The following NAV2 variants were observed in gnomAD, a reference collection of about 807,000 sequenced individuals.
NAV2 encodes neuron navigator 2, also known as helicase, APC down-regulated 1.
In NAV2, 54 loss-of-function variants were observed where a neutral mutation model predicts 223.2. That is an observed-to-expected ratio of 0.24 (90% confidence interval 0.19 to 0.30). The LOEUF is 0.30. NAV2 is among the 10% of genes least tolerant of loss of function. The probability of loss-of-function intolerance (pLI) is 1.00; values close to 1 mark genes in which losing one functional copy is unlikely to be tolerated. For synonymous variants in NAV2, 1,279 were observed against 1,239.3 expected (o/e 1.03, Z -0.67); for missense variants, 2,806 against 3,147.5 (o/e 0.89, Z 2.60).
intron 1 of NAV2, among the ~76,000 whole-genome samples, chr11:19,359,533 TG>T (rs755839058): frequency 3.9e-5 from 6 of 152,170 alleles, no homozygotes; most frequent in Non-Finnish European, 7.3e-5. Flanking sequence ...TGCAGCACAA[TG>T]GGGCAAATTG....
At chr11:19,463,746 G>A (rs751545859) in intron 1 of NAV2, among the ~76,000 whole-genome samples, 1 of 152,154 alleles carries the variant, frequency 6.6e-6, no homozygotes, top group African/African-American at 2.4e-5. Context: ...GGCAATCCAG[G>A]CAGGGAATAC....
At chr11:19,798,411 G>A (rs755821320) in intron 1 of NAV2, among the ~76,000 whole-genome samples, 41 of 152,148 alleles carry the variant, frequency 2.7e-4, no homozygotes, top group Admixed American at 7.2e-4. Flanking sequence ...CTAGTTATGG[G>A]TTTTCATAAA....
chr11:19,550,182 A>G lies in NAV2; in HGVS notation c.75+199155A>G, dbSNP rs73420182. Among the ~76,000 whole-genome samples, 297 of 152,354 alleles carry G rather than the reference A, an allele frequency of 1.9e-3. 1 individual carries two copies. Among genetic ancestry groups the G allele is most frequent in the African/African-American group, 6.9e-3 (286 of 41,586 alleles). ...TTGAGATATTGTCTAGAAACGAAAA[A>G]GGGAAATTTGACAAAACAATATCTA... is the stretch of plus-strand genomic sequence containing the variant. On this transcript the variant is annotated intron_variant, in intron 1 of 37. Transcript: ENST00000360655.
chr11:20,094,743 T>G (rs1377860056), intron 29 of NAV2, among the ~76,000 whole-genome samples: 1 of 152,152 alleles, frequency 6.6e-6, no homozygotes, highest in Non-Finnish European at 1.5e-5. Flanking sequence ...ACCCCAAACA[T>G]TACTTATTTG....
intron 1 of NAV2, among the ~76,000 whole-genome samples, chr11:19,440,386 G>A (rs756286313): frequency 6.6e-6 from 1 of 152,164 alleles, no homozygotes; most frequent in Non-Finnish European, 1.5e-5. Context: ...ATGAGTTGGA[G>A]TTAGGCAAAG....
intron 1 of NAV2, among the ~76,000 whole-genome samples, chr11:19,741,497 CTTTTT>C (rs71050682): frequency 9.6e-5 from 11 of 114,932 alleles, no homozygotes; most frequent in South Asian, 3.1e-4. Context: ...TTCTTTCTTT[CTTTTT>C]TTTTTTTTTT....
chr11:19,401,591 C>G (rs551366828), intron 1 of NAV2, among the ~76,000 whole-genome samples: 2 of 152,046 alleles, frequency 1.3e-5, no homozygotes, highest in Admixed American at 1.3e-4. Context: ...GAGGAATGAT[C>G]GCAAATCAAA....
intron 1 of NAV2, 176 bp downstream of exon 1, chr11:19,714,138 G>C: frequency 1.1e-6 from 1 of 951,026 alleles, no homozygotes; most frequent in Non-Finnish European, 1.6e-6. Context: ...GCCGGCCGGT[G>C]GGTGTGGCCC....
rs12277744 is a variant in NAV2 at position 19,426,114 on chromosome 11, A to G, written c.75+75087A>G. Among the ~76,000 whole-genome samples the G allele has an allele frequency of 5.7e-3, 862 of 152,304 alleles. 2 individuals are homozygous for G. Among genetic ancestry groups the G allele is most frequent in the Non-Finnish European group, 9.2e-3 (623 of 68,016 alleles). ...ATTCTGAGTTGTGGTGAAAGGAGAC[A>G]TGAGTTTGGGATTGGAGAGATTCTG... On this transcript the variant is annotated intron_variant, in intron 1 of 37. Coordinates refer to the NAV2 transcript ENST00000360655.
chr11:19,765,279 AG>A (rs2055106217), intron 1 of NAV2, among the ~76,000 whole-genome samples: 1 of 152,162 alleles, frequency 6.6e-6, no homozygotes, highest in South Asian at 2.1e-4. Context: ...TAAATATTTT[AG>A]GCCAAATGGG....
At chr11:19,475,747 G>T (rs1226642240) in intron 1 of NAV2, among the ~76,000 whole-genome samples, 1 of 152,214 alleles carries the variant, frequency 6.6e-6, no homozygotes, top group East Asian at 1.9e-4. Context: ...AAATGAGGAC[G>T]TGCAGATAAA....
chr11:19,933,830 T>G lies in NAV2; in HGVS notation c.1586T>G (p.Val529Gly), dbSNP rs1272864683. Residue 529 changes from valine (V) to glycine (G), a missense_variant, in exon 7 of 38, where the codon GTG becomes GGG. Val to Gly is a moderately radical substitution (Grantham distance 109, BLOSUM62 -3). This residue lies in a region of NAV2 where 1,167 missense variants were observed against 1,180.5 expected (regional missense o/e 0.99). Coordinates refer to ENST00000349880, the MANE Select transcript of NAV2 (RefSeq NM_145117.5). The surrounding 1 kb of genome is among the most constrained non-coding windows in gnomAD (Gnocchi z 4.3). ...AAAGAAGACCCCAGTGGAGCAGCTG[T>G]GCCCGAGATGCCAAAAAAGTCCTCC... is the stretch of plus-strand genomic sequence containing the variant. ...EPKEDPSGAA[V>G]PEMPKKSSKI... The G allele has an allele frequency of 1.3e-5, 21 of 1,609,792 alleles. No individual in the cohort carries two copies. Among genetic ancestry groups the G allele is most frequent in the Non-Finnish European group, 5.1e-6 (6 of 1,178,920 alleles).
At chr11:19,843,421 A>C (rs1018465271) in intron 3 of NAV2, among the ~76,000 whole-genome samples, 1 of 152,248 alleles carries the variant, frequency 6.6e-6, no homozygotes, top group South Asian at 2.1e-4. Flanking sequence ...GCTTTTCAAC[A>C]TAACCTTTGC....
At chr11:19,552,728 A>G (rs2044729968) in intron 1 of NAV2, among the ~76,000 whole-genome samples, 1 of 152,222 alleles carries the variant, frequency 6.6e-6, no homozygotes, top group Non-Finnish European at 1.5e-5. Flanking sequence ...GCTGTAGTGT[A>G]AAAGAGCTGA....
chr11:19,415,611 T>C (rs1013992352), intron 1 of NAV2, among the ~76,000 whole-genome samples: 23 of 152,224 alleles, frequency 1.5e-4, no homozygotes, highest in Non-Finnish European at 2.5e-4. Flanking sequence ...AGCATCATCC[T>C]GATACCAAAA....
At chr11:19,432,842 C>T (rs1228457316) in intron 1 of NAV2, among the ~76,000 whole-genome samples, 1 of 152,230 alleles carries the variant, frequency 6.6e-6, no homozygotes, top group Non-Finnish European at 1.5e-5. Flanking sequence ...ATAACTCTTA[C>T]CGCAGCTGAG....
At chr11:20,014,719 T>C (rs2053858703) in intron 11 of NAV2, among the ~76,000 whole-genome samples, 1 of 152,120 alleles carries the variant, frequency 6.6e-6, no homozygotes, top group Non-Finnish European at 1.5e-5. Flanking sequence ...CTGGACAACA[T>C]GGCGAAACCC....
intron 6 of NAV2, among the ~76,000 whole-genome samples, chr11:19,916,518 T>C (rs2043819983): frequency 6.6e-6 from 1 of 152,262 alleles, no homozygotes; most frequent in Non-Finnish European, 1.5e-5. Context: ...GTCTTTGCAG[T>C]AACAACTGTG....
intron 1 of NAV2, among the ~76,000 whole-genome samples, chr11:19,525,768 A>T (rs2043821690): frequency 6.6e-6 from 1 of 152,164 alleles, no homozygotes. Context: ...GGAGACAAAA[A>T]ATGCCTCCTG....
Sources: allele counts gnomAD v4.1 joint callset (sites outside exome capture counted in the v4.1 genomes callset), GRCh38; gene constraint gnomAD v4.1.1; regional missense constraint gnomAD v4.1.1; non-coding constraint Gnocchi (gnomAD v3.1); transcripts MANE v1.5; gene names NCBI Gene and HGNC (gene_info 2026-07-23, HGNC 2026-07-21).